Variants in TMCC1 observed in about 807,000 individuals in gnomAD.
The protein encoded by TMCC1 is transmembrane and coiled-coil domains protein 1.
In TMCC1, 15 loss-of-function variants were observed where a neutral mutation model predicts 52.4. That is an observed-to-expected ratio of 0.29 (90% confidence interval 0.19 to 0.44). The LOEUF is 0.44. Ranked by LOEUF, TMCC1 falls within the 20% of genes least tolerant of loss-of-function variation. The pLI is 1.00. For synonymous variants in TMCC1, 279 were observed against 301.9 expected (o/e 0.92, Z 0.79); for missense variants, 503 against 806.0 (o/e 0.62, Z 4.55).
intron 4 of TMCC1, among the ~76,000 whole-genome samples, chr3:129,712,270 A>T (rs1326905416): frequency 6.6e-6 from 1 of 152,220 alleles, no homozygotes; most frequent in African/African-American, 2.4e-5. Flanking sequence ...GTTTAAATTT[A>T]GATTTTGCAA....
intron 4 of TMCC1, among the ~76,000 whole-genome samples, chr3:129,768,958 C>T (rs932559470): frequency 5.3e-5 from 8 of 152,210 alleles, no homozygotes; most frequent in African/African-American, 1.9e-4. Flanking sequence ...GCAGATAAAT[C>T]AGCCTCAACC....
intron 4 of TMCC1, among the ~76,000 whole-genome samples, chr3:129,696,186 A>T (rs1286709774): frequency 1.3e-5 from 2 of 152,170 alleles, no homozygotes; most frequent in Non-Finnish European, 2.9e-5. Flanking sequence ...TATTGTCTCT[A>T]AGGGCAGCTA....
intron 4 of TMCC1, chr3:129,688,314 T>C: frequency 1.0e-6 from 1 of 985,400 alleles, no homozygotes. Context: ...TTCCATTTGT[T>C]CCAGCTTCCA....
intron 4 of TMCC1, among the ~76,000 whole-genome samples, chr3:129,717,904 T>A (rs2049232844): frequency 6.6e-6 from 1 of 152,210 alleles, no homozygotes; most frequent in South Asian, 2.1e-4. Context: ...AGTCCTCTGC[T>A]TAAAATTCTT....
intron 4 of TMCC1, among the ~76,000 whole-genome samples, chr3:129,766,185 G>A (rs923824620): frequency 6.6e-6 from 1 of 152,170 alleles, no homozygotes; most frequent in African/African-American, 2.4e-5. Context: ...AATGGCAAAA[G>A]CAAGTCAGAA....
intron 4 of TMCC1, among the ~76,000 whole-genome samples, chr3:129,707,509 T>TCAAC: frequency 6.6e-6 from 1 of 152,228 alleles, no homozygotes; most frequent in South Asian, 2.1e-4. Flanking sequence ...CAACATGGAA[T>TCAAC]AGTCTTTAGT....
intron 1 of TMCC1, among the ~76,000 whole-genome samples, chr3:129,886,106 T>C (rs189857440): frequency 1.6e-3 from 249 of 152,296 alleles, no homozygotes; most frequent in South Asian, 3.3e-3. Flanking sequence ...GCAGACCTCA[T>C]AACCCAACTG....
At chr3:129,857,631 A>G (rs1056137818) in intron 2 of TMCC1, among the ~76,000 whole-genome samples, 8 of 151,438 alleles carry the variant, frequency 5.3e-5, no homozygotes, top group Admixed American at 2.6e-4. Context: ...GTGCGATCTC[A>G]GCTCACTGCA....
chr3:129,758,972 T>C (rs1560348100), intron 4 of TMCC1, among the ~76,000 whole-genome samples: 1 of 152,220 alleles, frequency 6.6e-6, no homozygotes, highest in African/African-American at 2.4e-5. Context: ...TTGCAGTATG[T>C]ATGTAGCATG....
At chr3:129,796,206 G>T (rs927592593) in intron 4 of TMCC1, among the ~76,000 whole-genome samples, 1 of 152,106 alleles carries the variant, frequency 6.6e-6, no homozygotes, top group Admixed American at 6.6e-5. Context: ...ACTGCCTACA[G>T]TATTTAGTAC....
Position 129,651,971 on chromosome 3 carries a change from T to G in TMCC1, c.1648-176A>C, listed in dbSNP as rs2086359657. On this transcript the variant is annotated intron_variant, in intron 6 of 6. Coordinates refer to ENST00000393238, the MANE Select transcript of TMCC1 (RefSeq NM_001017395.5). The surrounding 1 kb of genome is among the most constrained non-coding windows in gnomAD (Gnocchi z 5.1). ...TATAACTCACTATTCAAGTGATTAT[T>G]ATTCCCCCAAATTGCCCTCCACTGC... Among the ~76,000 whole-genome samples the G allele has an allele frequency of 6.6e-6, 1 of 152,246 alleles. No individual in the cohort carries two copies. Among genetic ancestry groups the G allele is most frequent in the African/African-American group, 2.4e-5 (1 of 41,460 alleles).
At chr3:129,873,373 GAAAA>G (rs746434981) in intron 2 of TMCC1, among the ~76,000 whole-genome samples, 1 of 127,122 alleles carries the variant, frequency 7.9e-6, no homozygotes, top group Non-Finnish European at 1.7e-5. Flanking sequence ...CTATGCAGCT[GAAAA>G]AAAAAAAAAA....
intron 4 of TMCC1, among the ~76,000 whole-genome samples, chr3:129,684,176 G>C (rs1232446146): frequency 1.3e-5 from 2 of 152,212 alleles, no homozygotes; most frequent in African/African-American, 4.8e-5. Flanking sequence ...TTTTTAAATA[G>C]AGGTATCTGT....
intron 2 of TMCC1, among the ~76,000 whole-genome samples, chr3:129,861,670 G>C (rs2060405037): frequency 6.6e-6 from 1 of 152,050 alleles, no homozygotes; most frequent in South Asian, 2.1e-4. Context: ...ACCACAATGA[G>C]GTACCATTTC....
intron 1 of TMCC1, among the ~76,000 whole-genome samples, chr3:129,882,633 C>T (rs775861914): frequency 2.1e-4 from 32 of 152,146 alleles, no homozygotes; most frequent in Non-Finnish European, 3.1e-4. Context: ...TGTCCATGAA[C>T]AGATGCATAG....
chr3:129,842,127 T>C (rs1488622175), intron 2 of TMCC1, among the ~76,000 whole-genome samples: 1 of 152,196 alleles, frequency 6.6e-6, no homozygotes, highest in Non-Finnish European at 1.5e-5. Flanking sequence ...ATTACAATTA[T>C]AGTAGACTTT....
chr3:129,824,352 C>CCAAA (rs1464081680), intron 4 of TMCC1, among the ~76,000 whole-genome samples: 5 of 151,944 alleles, frequency 3.3e-5, no homozygotes, highest in Non-Finnish European at 7.4e-5. Context: ...AACCAACCAA[C>CCAAA]CAAACAAACA....
chr3:129,705,191 C>T (rs1325600262), intron 4 of TMCC1, among the ~76,000 whole-genome samples: 2 of 152,108 alleles, frequency 1.3e-5, no homozygotes. Context: ...AGCTGGGGTT[C>T]TCACTCTCTA....
chr3:129,822,315 C>T (rs144159097), intron 4 of TMCC1, among the ~76,000 whole-genome samples: 1,578 of 152,178 alleles, frequency 0.01, 18 homozygotes, highest in Non-Finnish European at 0.013. Flanking sequence ...TGGCACATGC[C>T]TATAGTCCTA....
Sources: allele counts gnomAD v4.1 joint callset (sites outside exome capture counted in the v4.1 genomes callset), GRCh38; gene constraint gnomAD v4.1.1; non-coding constraint Gnocchi (gnomAD v3.1); transcripts MANE v1.5; gene names NCBI Gene and HGNC (gene_info 2026-07-23, HGNC 2026-07-21).